Variants in CDC40 observed in about 807,000 individuals in gnomAD.
CDC40 encodes the protein cell division cycle 40.
CDC40 carries 27 observed loss-of-function variants against 80.6 expected under a neutral mutation model. That is an observed-to-expected ratio of 0.33 (90% CI 0.25 to 0.46). CDC40 has a LOEUF of 0.46. CDC40 is among the 20% of genes least tolerant of loss of function. The pLI is 1.00. For missense variants in CDC40, 486 were observed against 694.1 expected, an observed-to-expected ratio of 0.70 and a Z score of 3.37; for synonymous variants, 221 against 232.6, an observed-to-expected ratio of 0.95 and a Z score of 0.45.
chr6:110,216,277 T>C (rs1266026105), intron 9 of CDC40, among the ~76,000 whole-genome samples: 1 of 152,244 alleles, frequency 6.6e-6, no homozygotes, highest in Non-Finnish European at 1.5e-5. Flanking sequence ...GAAGGCTAGT[T>C]ACTCATTCCA....
chr6:110,191,275 C>T (rs1777345927), intron 1 of CDC40, among the ~76,000 whole-genome samples: 1 of 152,200 alleles, frequency 6.6e-6, no homozygotes, highest in Non-Finnish European at 1.5e-5. Context: ...GGCATTGCTG[C>T]TTCTCCAACA....
chr6:110,219,525 G>A (rs1777741709), intron 11 of CDC40, 46 bp downstream of exon 11: 1 of 1,192,646 alleles, frequency 8.4e-7, no homozygotes, highest in Non-Finnish European at 1.2e-6. Flanking sequence ...GCTTTATGTT[G>A]TATAAGGGGA....
At chr6:110,229,626 T>C (rs1777909907) in intron 14 of CDC40, among the ~76,000 whole-genome samples, 1 of 152,136 alleles carries the variant, frequency 6.6e-6, no homozygotes, top group South Asian at 2.1e-4. Context: ...TCTAAAGGTG[T>C]TCCCTAGCTA....
At position 110,180,535 on chromosome 6, in the gene CDC40, C is replaced by T; in HGVS notation, c.91C>T (p.Leu31=). 1 of 1,614,164 alleles carries T rather than the reference C, an allele frequency of 6.2e-7. No individual in the cohort carries two copies. The highest frequency in any genetic ancestry group is 8.5e-7 in the Non-Finnish European group (1 of 1,179,988). The part of the protein sequence containing the change: ...DSDSESSRCP[L]PAADSLMHLT... ...GGACAGTGAGAGCAGTCGGTGTCCGCTGCCAGCCGCCGACTCCCTCATGCA... is the reference window on the plus strand; with the variant it reads ...GGACAGTGAGAGCAGTCGGTGTCCGTTGCCAGCCGCCGACTCCCTCATGCA... The change falls in exon 1 of 15, where the codon CTG becomes TTG. Residue 31 remains leucine, a synonymous_variant. Transcript: ENST00000307731.
intron 9 of CDC40, among the ~76,000 whole-genome samples, chr6:110,216,484 C>T (rs899296652): frequency 1.3e-5 from 2 of 152,192 alleles, no homozygotes; most frequent in Non-Finnish European, 2.9e-5. Context: ...ATGTCTCCAT[C>T]AGATAGAGTG....
At chr6:110,220,662 G>C (rs543349949) in intron 12 of CDC40, among the ~76,000 whole-genome samples, 3 of 152,044 alleles carry the variant, frequency 2.0e-5, no homozygotes, top group Non-Finnish European at 4.4e-5. Flanking sequence ...AGCCAGGATG[G>C]TCTCGATTTC....
At chr6:110,180,697 G>A (rs965794820) in intron 1 of CDC40, 64 bp downstream of exon 1, 5 of 1,181,306 alleles carry the variant, frequency 4.2e-6, no homozygotes, top group Admixed American at 1.8e-5. Flanking sequence ...ACTGCCAGCC[G>A]CTTGTTAGGT....
chr6:110,223,232 G>A (rs1472687528), intron 12 of CDC40, among the ~76,000 whole-genome samples: 2 of 152,026 alleles, frequency 1.3e-5, no homozygotes, highest in African/African-American at 4.8e-5. Flanking sequence ...CTACAGGTGC[G>A]TGCCACCACG....
In CDC40 at chr6:110,230,203, A is replaced by G; in HGVS notation, c.*72A>G. Reference sequence around the variant, plus strand: ...ATATTTATATTTAATTATTAAATGTATCTGATGATAACTTGATTTACAGAT... The same window carrying G: ...ATATTTATATTTAATTATTAAATGTGTCTGATGATAACTTGATTTACAGAT... On this transcript the variant is annotated 3_prime_UTR_variant, in exon 15 of 15. Transcript: ENST00000307731. The G allele has an allele frequency of 2.2e-6, 2 of 898,970 alleles. No individual in the cohort carries two copies. Among genetic ancestry groups the G allele is most frequent in the Non-Finnish European group, 3.4e-6 (2 of 581,168 alleles). 55.7% of individuals were successfully genotyped at this position (898,970 alleles called of 1,614,324 possible).
At chr6:110,209,816 A>G (rs1197023091) in intron 5 of CDC40, among the ~76,000 whole-genome samples, 1 of 152,230 alleles carries the variant, frequency 6.6e-6, no homozygotes, top group Non-Finnish European at 1.5e-5. Flanking sequence ...ACTTACATCC[A>G]GTAAATCCAT....
intron 8 of CDC40, 98 bp from the exon 9 acceptor site, chr6:110,215,188 A>G (rs1367311425): frequency 1.2e-6 from 1 of 864,536 alleles, no homozygotes; most frequent in Non-Finnish European, 2.0e-6. Context: ...TTACACACAC[A>G]GATGTGCACA....
intron 13 of CDC40, among the ~76,000 whole-genome samples, chr6:110,228,363 A>G (rs1361848900): frequency 6.6e-6 from 1 of 152,142 alleles, no homozygotes; most frequent in Admixed American, 6.5e-5. Context: ...AAAAGTTACT[A>G]TAATTTTTAA....
In CDC40 at chr6:110,209,182, G is replaced by C. The variant is rs1777601122; in HGVS notation, c.589G>C (p.Ala197Pro). Residue 197 changes from alanine to proline, a missense_variant, in exon 5 of 15, where the codon GCA becomes CCA. Ala to Pro is a conservative substitution (Grantham distance 27). Around this residue, in one of 3 missense-constraint regions of CDC40, gnomAD observed 381 missense variants for 492.1 expected, o/e 0.77. Transcript: ENST00000307731. ...TATTGATGGTTTTTTGGGACCATGG[G>C]CAAAATATGTGGATGAAAAAGATGT... The part of the protein sequence containing the change: ...SNIDGFLGPW[A>P]KYVDEKDVAK... The C allele has an allele frequency of 1.2e-6, 2 of 1,612,456 alleles. No individual in the cohort carries two copies. Among genetic ancestry groups the C allele is most frequent in the African/African-American group, 2.7e-5 (2 of 74,850 alleles).
chr6:110,204,846 C>T (rs1438200407), intron 3 of CDC40, among the ~76,000 whole-genome samples: 5 of 151,076 alleles, frequency 3.3e-5, no homozygotes, highest in East Asian at 1.9e-4. Flanking sequence ...TTGTATTTTT[C>T]GTAGAGATGG....
chr6:110,210,604 C>A, intron 5 of CDC40, 103 bp from the exon 6 acceptor site: 1 of 399,062 alleles, frequency 2.5e-6, no homozygotes, highest in Non-Finnish European at 4.4e-6. Context: ...GGAACATACT[C>A]GGACCAGATA....
chr6:110,222,985 G>A (rs1199012862), intron 12 of CDC40, among the ~76,000 whole-genome samples: 1 of 152,212 alleles, frequency 6.6e-6, no homozygotes, highest in Non-Finnish European at 1.5e-5. Context: ...CCCATTTTAT[G>A]TATAAGGAAA....
intron 2 of CDC40, among the ~76,000 whole-genome samples, chr6:110,198,656 G>A (rs747398168): frequency 2.6e-5 from 4 of 152,186 alleles, no homozygotes; most frequent in Non-Finnish European, 5.9e-5. Context: ...TATGTTTTAT[G>A]TAAGGAGATT....
At chr6:110,194,457 C>G (rs1777392254) in intron 2 of CDC40, among the ~76,000 whole-genome samples, 2 of 152,148 alleles carry the variant, frequency 1.3e-5, no homozygotes, top group Admixed American at 6.5e-5. Context: ...TAAAAGATGA[C>G]CATTGAAATG....
In CDC40 at chr6:110,215,316, C is replaced by G; in HGVS notation, c.973C>G (p.Leu325Val). The G allele has an allele frequency of 6.2e-7, 1 of 1,613,208 alleles. No individual in the cohort carries two copies. Among genetic ancestry groups the G allele is most frequent in the South Asian group, 1.1e-5 (1 of 91,058 alleles). The change falls in exon 9 of 15, where the codon CTG (leucine) becomes GTG (valine). Residue 325 changes from leucine (L) to valine (V), a missense_variant. By Grantham distance (32) the Leu-to-Val change is conservative (BLOSUM62 1). Around this residue, in one of 3 missense-constraint regions of CDC40, gnomAD observed 381 missense variants for 492.1 expected, o/e 0.77. Coordinates refer to ENST00000307731, the MANE Select transcript of CDC40 (RefSeq NM_015891.3). Reference protein sequence around the residue: ...LWEVYGERRCLRTFIGHSKAV... With the variant: ...LWEVYGERRCVRTFIGHSKAV... ...GGAGGTTTATGGAGAACGGCGCTGT[C>G]TGAGAACATTTATTGGTAATGCTTC...
Sources: allele counts gnomAD v4.1 joint callset (sites outside exome capture counted in the v4.1 genomes callset), GRCh38; gene constraint gnomAD v4.1.1; regional missense constraint gnomAD v4.1.1; transcripts MANE v1.5; gene names NCBI Gene and HGNC (gene_info 2026-07-23, HGNC 2026-07-21).